Variants in CLTCL1 observed in about 807,000 individuals in gnomAD.
CLTCL1 encodes clathrin heavy chain 2.
Under a neutral mutation model 190.0 loss-of-function variants are expected in CLTCL1, and 159 were observed. The observed-to-expected ratio is 0.84, with a 90% CI of 0.74 to 0.95. The LOEUF is 0.95. Among genes scored for constraint, CLTCL1 ranks in the 40% least tolerant of loss-of-function variants. The pLI, the probability that CLTCL1 is intolerant of heterozygous loss-of-function variation, is 0.00. For synonymous variants in CLTCL1, 752 were observed against 769.6 expected, an observed-to-expected ratio of 0.98 and a Z score of 0.38; for missense variants, 1,878 against 2,033.4, an observed-to-expected ratio of 0.92 and a Z score of 1.47.
At chr22:19,232,848 A>G in intron 9 of CLTCL1, 1 of 580,366 alleles carries the variant, frequency 1.7e-6, no homozygotes, top group Non-Finnish European at 2.9e-6. Context: ...GTGCAAACAC[A>G]GCCTGCCAGT....
intron 3 of CLTCL1, among the ~76,000 whole-genome samples, chr22:19,252,098 C>T (rs2086609423): frequency 6.6e-6 from 1 of 152,180 alleles, no homozygotes; most frequent in South Asian, 2.1e-4. Flanking sequence ...GTATTCTTAA[C>T]CTTTCTCATA....
At position 19,210,414 on chromosome 22, in the gene CLTCL1, TC is replaced by T. The variant is rs1340224067; in HGVS notation, c.3160del (p.Asp1054ThrfsTer24). The T allele has an allele frequency of 8.7e-6, 14 of 1,613,888 alleles. No individual in the cohort carries two copies. The Middle Eastern group carries it at 1.8e-3, about 208-fold the overall frequency. On this transcript the variant is annotated frameshift_variant, in exon 20 of 33. Transcript: ENST00000427926. LOFTEE classifies it high-confidence loss of function. ...ISRLDNYDALDIASIAVSSAL... is the reference protein window; with the variant it reads ...ISRLDNYDALXIASIAVSSAL... Reference sequence around the variant, plus strand: ...GCTGCTGACAGCGATGCTCGCGATGTCCAGTGCGTCATAGTTGTCCAGGCGG... The same window carrying T: ...GCTGCTGACAGCGATGCTCGCGATGTCAGTGCGTCATAGTTGTCCAGGCGG...
chr22:19,233,461 C>T lies in CLTCL1; in HGVS notation c.1329G>A (p.Gly443=), dbSNP rs782099496. Residue 443 remains glycine (G), a synonymous_variant, in exon 8 of 33, where the codon GGG becomes GGA. Transcript: ENST00000427926. The part of the protein sequence containing the change: ...LELCHLVLQQ[G]RKQLLEKWLK... ...GCCACTTCTCTAGGAGTTGCTTACG[C>T]CCCTGCTGAAGAACCAGATGGCAAA... The T allele has an allele frequency of 3.7e-6, 6 of 1,613,822 alleles. No homozygotes were observed. The East Asian group carries it at 1.3e-4, about 36-fold the overall frequency.
intron 14 of CLTCL1, among the ~76,000 whole-genome samples, chr22:19,223,274 T>C (rs1233195129): frequency 6.6e-6 from 1 of 152,134 alleles, no homozygotes; most frequent in African/African-American, 2.4e-5. Context: ...GTCCCGTGCC[T>C]AGATCACATT....
rs1555959509 is a variant in CLTCL1 at position 19,232,477 on chromosome 22, T to C, written c.1643A>G (p.Gln548Arg). ...QDEEPLANIS[Q>R]IVDIFMENSL... ...TTGTCCAAAACTGCCTACGCTCACCTGGCTAATGTTGGCCAGCGGCTCCTC... is the reference window on the plus strand; with the variant it reads ...TTGTCCAAAACTGCCTACGCTCACCCGGCTAATGTTGGCCAGCGGCTCCTC... The change falls in exon 10 of 33, where the codon CAG (glutamine) becomes CGG (arginine). Residue 548 changes from glutamine to arginine, a missense_variant and splice_region_variant. Coordinates refer to ENST00000427926, the MANE Select transcript of CLTCL1 (RefSeq NM_007098.4). 3 of 1,613,990 alleles carry C rather than the reference T, an allele frequency of 1.9e-6. No individual in the cohort carries two copies. Among genetic ancestry groups the C allele is most frequent in the Non-Finnish European group, 2.5e-6 (3 of 1,179,862 alleles).
chr22:19,183,300 G>GCC (rs1172794748), intron 30 of CLTCL1, 90 bp downstream of exon 30: 1 of 1,168,232 alleles, frequency 8.6e-7, no homozygotes, highest in South Asian at 1.4e-5. Context: ...CCTCAAAGGG[G>GCC]CCCACCCTTA....
chr22:19,191,526 A>G (rs1459731502), intron 26 of CLTCL1, 91 bp from the exon 27 acceptor site: 8 of 1,500,612 alleles, frequency 5.3e-6, no homozygotes, highest in Non-Finnish European at 7.2e-6. Context: ...ACACTTTACT[A>G]CTGAGGCCTG....
At chr22:19,201,136 G>A (rs2084867640) in intron 23 of CLTCL1, among the ~76,000 whole-genome samples, 193 bp downstream of exon 23, 2 of 152,230 alleles carry the variant, frequency 1.3e-5, no homozygotes, top group South Asian at 4.1e-4. Flanking sequence ...GGGGCCAACT[G>A]GTTCCACATC....
chr22:19,224,548 T>TGGC (rs1555954622), intron 13 of CLTCL1, among the ~76,000 whole-genome samples: 35 of 152,082 alleles, frequency 2.3e-4, no homozygotes, highest in Admixed American at 2.0e-3. Context: ...ATGTTCCTCA[T>TGGC]CATTACAGAG....
chr22:19,239,159 C>A, intron 5 of CLTCL1, 116 bp downstream of exon 5: 1 of 809,460 alleles, frequency 1.2e-6, no homozygotes, highest in Non-Finnish European at 2.1e-6. Context: ...GGTTTGAAAG[C>A]ATCACAGTGG....
intron 26 of CLTCL1, among the ~76,000 whole-genome samples, chr22:19,192,295 G>A (rs2084536899): frequency 6.6e-6 from 1 of 152,078 alleles, no homozygotes; most frequent in Non-Finnish European, 1.5e-5. Flanking sequence ...TCGATCTCCT[G>A]ACCTCGTGAT....
At chr22:19,285,702 G>A (rs2087883075) in intron 1 of CLTCL1, among the ~76,000 whole-genome samples, 1 of 152,156 alleles carries the variant, frequency 6.6e-6, no homozygotes, top group Non-Finnish European at 1.5e-5. Flanking sequence ...AGAAAATGTG[G>A]GAGAAGAGCC....
intron 20 of CLTCL1, 100 bp downstream of exon 20, chr22:19,210,226 C>T: frequency 2.6e-6 from 3 of 1,170,224 alleles, no homozygotes; most frequent in Non-Finnish European, 3.7e-6. Flanking sequence ...ACTGGACAAC[C>T]AGAGGGTCTG....
At chr22:19,254,479 G>A (rs1569227838) in intron 2 of CLTCL1, among the ~76,000 whole-genome samples, 1 of 152,176 alleles carries the variant, frequency 6.6e-6, no homozygotes, top group African/African-American at 2.4e-5. Flanking sequence ...AGAAATATGT[G>A]AATAACAATG....
intron 23 of CLTCL1, 64 bp downstream of exon 23, chr22:19,201,265 G>T (rs1035549175): frequency 6.6e-7 from 1 of 1,520,400 alleles, no homozygotes. Flanking sequence ...CGAGCAGAAC[G>T]CAAAGGACAC....
intron 20 of CLTCL1, 103 bp from the exon 21 acceptor site, chr22:19,209,217 C>T (rs1555945101): frequency 9.8e-7 from 1 of 1,016,092 alleles, no homozygotes; most frequent in Non-Finnish European, 1.4e-6. Context: ...GCTGCATGAC[C>T]ATTTCACTTC....
chr22:19,192,651 G>T (rs782543191), intron 26 of CLTCL1, among the ~76,000 whole-genome samples: 1 of 152,158 alleles, frequency 6.6e-6, no homozygotes, highest in South Asian at 2.1e-4. Context: ...GGGGTCTAAT[G>T]GTCCCACTAT....
At chr22:19,280,977 A>G (rs1331835654) in intron 1 of CLTCL1, among the ~76,000 whole-genome samples, 2 of 151,574 alleles carry the variant, frequency 1.3e-5, no homozygotes, top group Admixed American at 1.3e-4. Flanking sequence ...ACAGGTATGG[A>G]GCACCCATTT....
rs782231908 is a variant in CLTCL1 at position 19,222,074 on chromosome 22, G to A, written c.2438C>T (p.Pro813Leu). The A allele has an allele frequency of 1.9e-6, 3 of 1,614,000 alleles. No individual in the cohort carries two copies. Among genetic ancestry groups the A allele is most frequent in the African/African-American group, 1.3e-5 (1 of 75,054 alleles). ...YVQKVNPSRT[P>L]AVIGGLLDVD... ...ATCAAGCAGCCCTCCAATCACAGCT[G>A]GGGTCCGGCTAGGGTTGACCTAGGG... Residue 813 changes from proline (P) to leucine (L), a missense_variant, in exon 16 of 33, where the codon CCA becomes CTA. Pro to Leu is a moderately conservative substitution (Grantham distance 98). Transcript: ENST00000427926.
Sources: allele counts gnomAD v4.1 joint callset (sites outside exome capture counted in the v4.1 genomes callset), GRCh38; gene constraint gnomAD v4.1.1; transcripts MANE v1.5; gene names NCBI Gene and HGNC (gene_info 2026-07-23, HGNC 2026-07-21).